ADAMTSL3: variants seen among roughly 807,000 people sequenced by gnomAD.
ADAMTSL3 encodes the protein ADAMTS-like protein 3.
A neutral mutation model predicts 201.7 loss-of-function variants in ADAMTSL3; 128 were observed. The observed-to-expected ratio is 0.63, with a 90% CI of 0.55 to 0.73. The LOEUF (loss-of-function observed/expected upper bound fraction) is 0.73, where lower values mean the gene tolerates loss of function less well. Ranked by LOEUF, ADAMTSL3 falls within the 30% of genes least tolerant of loss-of-function variation. The pLI, the probability that ADAMTSL3 is intolerant of heterozygous loss-of-function variation, is 0.00. For synonymous variants in ADAMTSL3, 738 were observed against 748.4 expected (o/e 0.99, Z 0.23); for missense variants, 1,990 against 2,119.6 (o/e 0.94, Z 1.20).
intron 4 of ADAMTSL3, among the ~76,000 whole-genome samples, chr15:83,798,389 T>C (rs1446272234): frequency 6.6e-6 from 1 of 152,150 alleles, no homozygotes; most frequent in Non-Finnish European, 1.5e-5. Context: ...GTGCATAAAT[T>C]GAGAGAATAA....
Position 83,756,404 on chromosome 15 carries a change from T to A in ADAMTSL3, c.190-17119T>A, listed in dbSNP as rs372508807. On this transcript the variant is annotated intron_variant, in intron 3 of 29. Coordinates refer to ENST00000286744, the MANE Select transcript of ADAMTSL3 (RefSeq NM_207517.3). ...TATGGTGGCTGGCAAAGAGATTATTTGTGCAGGGGTACTCCCTTTTATAAA... is the reference window on the plus strand; with the variant it reads ...TATGGTGGCTGGCAAAGAGATTATTAGTGCAGGGGTACTCCCTTTTATAAA... 1.6e-4 allele frequency among the ~76,000 whole-genome samples: 24 copies of A among 152,182 alleles called. No individual in the cohort carries two copies. The East Asian group carries it at 2.5e-3, about 16-fold the overall frequency.
intron 4 of ADAMTSL3, among the ~76,000 whole-genome samples, chr15:83,784,364 C>A (rs1038959618): frequency 6.6e-6 from 1 of 152,172 alleles, no homozygotes; most frequent in Non-Finnish European, 1.5e-5. Context: ...ACTTCAAAGG[C>A]AGACTTCTCC....
At position 84,031,334 on chromosome 15, in the gene ADAMTSL3, G is replaced by C; in HGVS notation, c.4657-1G>C. 7 of 1,613,540 alleles carry C rather than the reference G, an allele frequency of 4.3e-6. No homozygotes were observed. Among genetic ancestry groups the C allele is most frequent in the Non-Finnish European group, 5.9e-6 (7 of 1,179,920 alleles). ...CACTGCACTGTGCTTTTTTGTTCCA[G>C]TGTCCTGGACGTTGCATGGGCCGTG... is the stretch of plus-strand genomic sequence containing the variant. On this transcript the variant is annotated splice_acceptor_variant, in intron 27 of 29. Transcript: ENST00000286744. LOFTEE classifies it high-confidence loss of function.
intron 16 of ADAMTSL3, 84 bp from the exon 17 acceptor site, chr15:83,923,820 T>G: frequency 6.6e-7 from 1 of 1,510,694 alleles, no homozygotes; most frequent in Non-Finnish European, 9.0e-7. Flanking sequence ...ATGCTAAGAA[T>G]GAGAAGACCT....
rs368428268 is a variant in ADAMTSL3 at position 83,983,543 on chromosome 15, A to G, written c.3716+199A>G. Among the ~76,000 whole-genome samples, 3 of 152,196 alleles carry G rather than the reference A, an allele frequency of 2.0e-5. No homozygotes were observed. The East Asian group carries it at 5.8e-4, about 29-fold the overall frequency. On this transcript the variant is annotated intron_variant, in intron 21 of 29. Transcript: ENST00000286744. ...TAAATTCAACCGCCATATCATCCCA[A>G]TCACTGTCGTAGAGGTGTGATATGA...
chr15:83,868,655 G>A (rs1034050886), intron 8 of ADAMTSL3, among the ~76,000 whole-genome samples: 3 of 152,276 alleles, frequency 2.0e-5, no homozygotes, highest in Non-Finnish European at 2.9e-5. Context: ...GGCAACCAGT[G>A]TTTGTGCTTT....
At chr15:83,823,594 A>T (rs2063932506) in intron 6 of ADAMTSL3, among the ~76,000 whole-genome samples, 1 of 152,210 alleles carries the variant, frequency 6.6e-6, no homozygotes, top group South Asian at 2.1e-4. Context: ...TTCCATCTTT[A>T]CTGCCTTTCT....
At chr15:83,821,487 G>A (rs1454583024) in intron 6 of ADAMTSL3, among the ~76,000 whole-genome samples, 17 of 151,372 alleles carry the variant, frequency 1.1e-4, no homozygotes, top group African/African-American at 3.4e-4. Flanking sequence ...AACAAAGCAC[G>A]TCTTGCACCG....
chr15:83,831,807 C>T (rs546388368), intron 6 of ADAMTSL3, among the ~76,000 whole-genome samples: 2 of 152,322 alleles, frequency 1.3e-5, no homozygotes, highest in East Asian at 1.9e-4. Context: ...AGACTGGGAA[C>T]AGCAGGTGGG....
intron 8 of ADAMTSL3, among the ~76,000 whole-genome samples, chr15:83,863,337 ACACCCAAAACTGACCACAT>A (rs1567197684): frequency 1.6e-4 from 24 of 151,048 alleles, no homozygotes; most frequent in African/African-American, 5.8e-4. Flanking sequence ...GCACCACACC[ACACCCAAAACTGACCACAT>A]AGTTGGAAGT....
Position 83,899,737 on chromosome 15 carries a change from T to TCC in ADAMTSL3, c.1700+7_1700+8dup. The TCC allele has an allele frequency of 6.2e-7, 1 of 1,609,022 alleles. No individual in the cohort carries two copies. Among genetic ancestry groups the TCC allele is most frequent in the Non-Finnish European group, 8.5e-7 (1 of 1,177,358 alleles). Reference sequence around the variant, plus strand: ...ATAGCAACAGAAGAACCAACGTGAGTCCAGGACCTTTTGTAGGAATAATCA... The same window carrying TCC: ...ATAGCAACAGAAGAACCAACGTGAGTCCCCAGGACCTTTTGTAGGAATAATCA... On this transcript the variant is annotated splice_region_variant and intron_variant, in intron 15 of 29. Coordinates refer to ENST00000286744, the MANE Select transcript of ADAMTSL3 (RefSeq NM_207517.3).
chr15:83,898,084 C>T, intron 14 of ADAMTSL3, 79 bp downstream of exon 14: 2 of 1,450,102 alleles, frequency 1.4e-6, no homozygotes, highest in Non-Finnish European at 9.3e-7. Context: ...ATTTCCCTTT[C>T]AACTTACTAC....
At chr15:83,958,086 T>C (rs969497502) in intron 19 of ADAMTSL3, among the ~76,000 whole-genome samples, 1 of 152,154 alleles carries the variant, frequency 6.6e-6, no homozygotes, top group African/African-American at 2.4e-5. Context: ...GTGCAGACAC[T>C]GTTCAGAAAT....
At chr15:84,017,487 C>T (rs1404491611) in intron 25 of ADAMTSL3, among the ~76,000 whole-genome samples, 1 of 152,182 alleles carries the variant, frequency 6.6e-6, no homozygotes, top group East Asian at 1.9e-4. Context: ...GTCATTTTCA[C>T]CTTTTAAATC....
chr15:83,708,502 CGCG>C (rs1567088201), intron 3 of ADAMTSL3, among the ~76,000 whole-genome samples: 2 of 151,906 alleles, frequency 1.3e-5, no homozygotes, highest in African/African-American at 4.8e-5. Context: ...TACGGAGGGC[CGCG>C]GCAGCTTCTA....
chr15:83,838,041 C>T lies in ADAMTSL3; in HGVS notation c.601-48C>T, dbSNP rs777439269. ...AGCTTCCTGAAATGAAGAGAGCTCC[C>T]CCTCCCCTGGCTTTGGGCACCACTG... On this transcript the variant is annotated intron_variant, in intron 6 of 29. Transcript: ENST00000286744. 5.7e-6 allele frequency: 9 copies of T among 1,578,892 alleles called. No homozygotes were observed. The African/African-American group carries it at 1.1e-4, about 19-fold the overall frequency.
At chr15:83,713,501 C>G (rs2061960129) in intron 3 of ADAMTSL3, among the ~76,000 whole-genome samples, 1 of 152,010 alleles carries the variant, frequency 6.6e-6, no homozygotes, top group Non-Finnish European at 1.5e-5. Flanking sequence ...AGGTGGAGGA[C>G]TGGATGGGAA....
intron 28 of ADAMTSL3, among the ~76,000 whole-genome samples, chr15:84,033,873 A>C (rs1198259119): frequency 6.6e-6 from 1 of 152,218 alleles, no homozygotes; most frequent in Admixed American, 6.5e-5. Context: ...AGAAGGATCT[A>C]TCAAGAGGCT....
intron 20 of ADAMTSL3, among the ~76,000 whole-genome samples, chr15:83,971,130 A>G (rs1017450112): frequency 1.3e-5 from 2 of 152,252 alleles, no homozygotes; most frequent in Non-Finnish European, 2.9e-5. Context: ...ATTAATTATG[A>G]ATAATGAGCT....
Sources: allele counts gnomAD v4.1 joint callset (sites outside exome capture counted in the v4.1 genomes callset), GRCh38; gene constraint gnomAD v4.1.1; transcripts MANE v1.5; gene names NCBI Gene and HGNC (gene_info 2026-07-23, HGNC 2026-07-21).